The following PTPRN2 variants were observed in gnomAD, a reference collection of about 807,000 sequenced individuals.
The protein encoded by PTPRN2 is protein tyrosine phosphatase receptor type N2, also known as receptor-type tyrosine-protein phosphatase N2.
A neutral mutation model predicts 118.8 loss-of-function variants in PTPRN2; 74 were observed. The ratio of observed to expected loss-of-function variants is 0.62; its 90% CI spans 0.52 to 0.76. The LOEUF (loss-of-function observed/expected upper bound fraction) is 0.76. Among genes scored for constraint, PTPRN2 ranks in the 30% least tolerant of loss-of-function variants. The probability of loss-of-function intolerance (pLI) is 0.00; values close to 1 mark genes in which losing one functional copy is unlikely to be tolerated. For synonymous variants in PTPRN2, 641 were observed against 608.0 expected, an observed-to-expected ratio of 1.05 and a Z score of -0.80; for missense variants, 1,481 against 1,394.4, an observed-to-expected ratio of 1.06 and a Z score of -0.99.
intron 11 of PTPRN2, among the ~76,000 whole-genome samples, chr7:158,057,659 C>T (rs1249907800): frequency 1.3e-5 from 2 of 152,154 alleles, no homozygotes; most frequent in African/African-American, 4.8e-5. Context: ...CCCCAGAGAG[C>T]CCAGGCCCCA....
At chr7:157,909,237 G>A (rs1011847042) in intron 11 of PTPRN2, among the ~76,000 whole-genome samples, 5 of 152,112 alleles carry the variant, frequency 3.3e-5, no homozygotes, top group African/African-American at 4.8e-5. Flanking sequence ...TTTTCACTAT[G>A]AACATATATT....
At chr7:157,853,790 A>C (rs1458965713) in intron 12 of PTPRN2, among the ~76,000 whole-genome samples, 1 of 152,212 alleles carries the variant, frequency 6.6e-6, no homozygotes, top group Non-Finnish European at 1.5e-5. Flanking sequence ...CCAAGCCCTA[A>C]GCCCAGTACC....
chr7:158,313,262 C>G (rs1029009726), intron 3 of PTPRN2, among the ~76,000 whole-genome samples: 1 of 152,172 alleles, frequency 6.6e-6, no homozygotes, highest in South Asian at 2.1e-4. Flanking sequence ...GCCACAGGGT[C>G]GTCCTCCTGC....
At chr7:158,441,059 G>GGTGGTGCTGGTGGTAGTGATA (rs1563295605) in intron 2 of PTPRN2, among the ~76,000 whole-genome samples, 6 of 56,096 alleles carry the variant, frequency 1.1e-4, no homozygotes, top group East Asian at 1.2e-3. Flanking sequence ...TGGTAGTGAT[G>GGTGGTGCTGGTGGTAGTGATA]GGGGTGGTAG....
intron 11 of PTPRN2, among the ~76,000 whole-genome samples, chr7:157,940,165 A>T (rs1007793593): frequency 2.6e-5 from 4 of 152,130 alleles, no homozygotes; most frequent in African/African-American, 9.7e-5. Flanking sequence ...TCATCCTCAG[A>T]GTTCCCATCT....
intron 11 of PTPRN2, among the ~76,000 whole-genome samples, chr7:158,032,945 C>T (rs1807796700): frequency 6.6e-6 from 1 of 152,156 alleles, no homozygotes; most frequent in South Asian, 2.1e-4. Context: ...GGGAAAGTCT[C>T]ATTATCAGAA....
At chr7:158,521,603 CTGTCCAGGTAG>C (rs1824031018) in intron 1 of PTPRN2, among the ~76,000 whole-genome samples, 1 of 130,432 alleles carries the variant, frequency 7.7e-6, no homozygotes, top group Non-Finnish European at 1.7e-5. Flanking sequence ...CAATGGTGGA[CTGTCCAGGTAG>C]TGGCTCAGGA....
chr7:158,150,067 C>T lies in PTPRN2; in HGVS notation c.911-11552G>A, dbSNP rs535987948. ...GGCATGAATGATAAGAAAACAGAGT[C>T]ATCTGAGGGAAGAGGCCGTGGGGCA... is the stretch of plus-strand genomic sequence containing the variant. On this transcript the variant is annotated intron_variant, in intron 6 of 22. Transcript: ENST00000389418. Among the ~76,000 whole-genome samples the T allele has an allele frequency of 1.9e-4, 29 of 152,256 alleles. 1 individual carries two copies. The South Asian group carries it at 3.9e-3, about 21-fold the overall frequency.
At chr7:157,656,833 A>ACACACACACAC (rs1491186829) in intron 13 of PTPRN2, among the ~76,000 whole-genome samples, 3 of 131,680 alleles carry the variant, frequency 2.3e-5, no homozygotes, top group South Asian at 2.4e-4. Context: ...ACACACATAT[A>ACACACACACAC]CACACACACA....
chr7:158,364,543 C>T (rs892360446), intron 2 of PTPRN2, among the ~76,000 whole-genome samples: 2 of 152,214 alleles, frequency 1.3e-5, no homozygotes, highest in Non-Finnish European at 2.9e-5. Flanking sequence ...AGCAAAGAGA[C>T]AGTCACATGT....
rs191463129 is a variant in PTPRN2, at chr7:157,881,639, G to A, written c.1788+17034C>T. Among the ~76,000 whole-genome samples, 19 of 152,218 alleles carry A rather than the reference G, an allele frequency of 1.2e-4. No homozygotes were observed. In the East Asian group the frequency reaches 1.9e-3, roughly 15 times the overall value. ...ACTGCAGGGATGCGTCTCTGCCTAC[G>A]AGAAAGGAGAGGATTTCCTGTTTTC... On this transcript the variant is annotated intron_variant, in intron 12 of 22. Coordinates refer to ENST00000389418, the MANE Select transcript of PTPRN2 (RefSeq NM_002847.5). This position sits in a 1 kb window ranked among gnomAD's most constrained non-coding sequence, Gnocchi z 4.7.
chr7:157,916,736 T>C (rs1798420554), intron 11 of PTPRN2, among the ~76,000 whole-genome samples: 1 of 150,564 alleles, frequency 6.6e-6, no homozygotes, highest in African/African-American at 2.5e-5. Context: ...GTCCCCACCA[T>C]GGCAGGGGCT....
At chr7:158,081,741 A>C (rs1812860185) in intron 10 of PTPRN2, among the ~76,000 whole-genome samples, 1 of 152,234 alleles carries the variant, frequency 6.6e-6, no homozygotes, top group African/African-American at 2.4e-5. Flanking sequence ...GAGATGTATG[A>C]ATCTAGAGCA....
At chr7:157,988,262 G>A (rs1803962050) in intron 11 of PTPRN2, among the ~76,000 whole-genome samples, 2 of 151,960 alleles carry the variant, frequency 1.3e-5, no homozygotes, top group Admixed American at 1.3e-4. Flanking sequence ...AGGCTTCTTT[G>A]TGCTTTGGTC....
intron 3 of PTPRN2, among the ~76,000 whole-genome samples, chr7:158,284,387 A>G (rs1410756562): frequency 6.6e-6 from 1 of 152,196 alleles, no homozygotes; most frequent in African/African-American, 2.4e-5. Context: ...GTCAGTGTAC[A>G]TGAATGCACT....
chr7:158,404,872 C>CCCCGG (rs1472229996), intron 2 of PTPRN2, among the ~76,000 whole-genome samples: 1 of 141,386 alleles, frequency 7.1e-6, no homozygotes, highest in African/African-American at 2.6e-5. Flanking sequence ...GCCCCCAGCT[C>CCCCGG]CCTGGCCTCC....
chr7:157,571,511 A>T lies in PTPRN2; in HGVS notation c.2784-18T>A, dbSNP rs777531993. On this transcript the variant is annotated intron_variant, in intron 19 of 22. Transcript: ENST00000389418. ...TTACTTTTCTGAAATAAAAAGAGAT[A>T]TAAAAATTATCGTTGTGTACTAAGA... 2 of 1,589,282 alleles carry T rather than the reference A, an allele frequency of 1.3e-6. No individual in the cohort carries two copies. Among genetic ancestry groups the T allele is most frequent in the Non-Finnish European group, 1.7e-6 (2 of 1,160,914 alleles).
At chr7:157,736,507 C>T (rs1800305386) in intron 12 of PTPRN2, among the ~76,000 whole-genome samples, 1 of 152,214 alleles carries the variant, frequency 6.6e-6, no homozygotes, top group African/African-American at 2.4e-5. Context: ...AAGATGCTGT[C>T]CACAAGCCCG....
At chr7:157,921,625 G>C (rs1798696288) in intron 11 of PTPRN2, among the ~76,000 whole-genome samples, 1 of 152,228 alleles carries the variant, frequency 6.6e-6, no homozygotes, top group African/African-American at 2.4e-5. Flanking sequence ...AGGGAGGGCT[G>C]CTGTAAGGCG....
Sources: gnomAD v4.1 joint callset for allele counts (sites outside exome capture counted in the v4.1 genomes callset) on GRCh38, gnomAD v4.1.1 for gene constraint, Gnocchi (gnomAD v3.1) non-coding constraint, MANE v1.5 for transcripts, NCBI Gene and HGNC (gene_info 2026-07-23, HGNC 2026-07-21) for gene names.